Variants in RABGAP1L observed in about 807,000 individuals in gnomAD.
RABGAP1L encodes the protein rab GTPase-activating protein 1-like.
RABGAP1L carries 63 observed loss-of-function variants against 137.7 expected under a neutral mutation model. The observed-to-expected ratio is 0.46, with a 90% CI of 0.37 to 0.56. The LOEUF (loss-of-function observed/expected upper bound fraction) is 0.56. RABGAP1L is among the 20% of genes least tolerant of loss of function. The pLI is 0.00. For synonymous variants in RABGAP1L, 431 were observed against 433.7 expected, an observed-to-expected ratio of 0.99 and a Z score of 0.08; for missense variants, 1,095 against 1,244.0, an observed-to-expected ratio of 0.88 and a Z score of 1.80.
chr1:174,705,382 G>GA (rs1433825510), intron 17 of RABGAP1L: 1 of 152,130 alleles, frequency 6.6e-6, no homozygotes, highest in African/African-American at 2.4e-5. Flanking sequence ...TTGTGCTACA[G>GA]AAAAGATAAA....
chr1:174,186,816 T>G (rs1410837096), intron 1 of RABGAP1L, among the ~76,000 whole-genome samples: 2 of 151,986 alleles, frequency 1.3e-5, no homozygotes, highest in Non-Finnish European at 2.9e-5. Flanking sequence ...AGGTATACAT[T>G]TATTTACCAA....
intron 18 of RABGAP1L, among the ~76,000 whole-genome samples, chr1:174,770,190 A>G (rs1033585490): frequency 1.3e-5 from 2 of 152,142 alleles, no homozygotes; most frequent in African/African-American, 4.8e-5. Context: ...ATCATTTGTT[A>G]CTTGAATATT....
intron 13 of RABGAP1L, among the ~76,000 whole-genome samples, chr1:174,603,425 G>A (rs1408164017): frequency 6.6e-6 from 1 of 152,060 alleles, no homozygotes; most frequent in Non-Finnish European, 1.5e-5. Context: ...ACAGTACTGG[G>A]TCTTGTCCAA....
intron 18 of RABGAP1L, among the ~76,000 whole-genome samples, chr1:174,799,408 G>A (rs1688529123): frequency 6.6e-6 from 1 of 152,116 alleles, no homozygotes; most frequent in Non-Finnish European, 1.5e-5. Flanking sequence ...AATAAGGATT[G>A]GAACATCCCA....
intron 12 of RABGAP1L, among the ~76,000 whole-genome samples, chr1:174,374,128 T>A (rs1685322900): frequency 6.6e-6 from 1 of 152,242 alleles, no homozygotes; most frequent in Admixed American, 6.5e-5. Flanking sequence ...TAGTATTGGA[T>A]GTAATGGTAG....
intron 13 of RABGAP1L, among the ~76,000 whole-genome samples, chr1:174,539,126 A>G (rs1665142009): frequency 6.6e-6 from 1 of 152,108 alleles, no homozygotes; most frequent in African/African-American, 2.4e-5. Context: ...TAAATTACCT[A>G]ATACTGGCCC....
intron 19 of RABGAP1L, among the ~76,000 whole-genome samples, chr1:174,839,447 C>G (rs1224161511): frequency 6.6e-6 from 1 of 152,136 alleles, no homozygotes; most frequent in Non-Finnish European, 1.5e-5. Flanking sequence ...ATTATTTTAG[C>G]TCTGTAACCA....
At chr1:174,328,476 A>T (rs866192018) in intron 11 of RABGAP1L, among the ~76,000 whole-genome samples, 3 of 152,124 alleles carry the variant, frequency 2.0e-5, no homozygotes, top group African/African-American at 7.2e-5. Context: ...AAGGGAATTT[A>T]AAAAATTTCT....
intron 19 of RABGAP1L, among the ~76,000 whole-genome samples, chr1:174,896,522 T>G (rs1185489155): frequency 6.6e-6 from 1 of 152,238 alleles, no homozygotes; most frequent in South Asian, 2.1e-4. Context: ...CCCATGCCTA[T>G]GTCCTGAATG....
chr1:174,928,189 G>T (rs778381669), intron 19 of RABGAP1L, among the ~76,000 whole-genome samples: 2 of 151,884 alleles, frequency 1.3e-5, no homozygotes, highest in African/African-American at 2.4e-5. Flanking sequence ...TCCTCTCTTT[G>T]TCTAGCTGTC....
At chr1:174,817,776 T>G (rs1690591497) in intron 19 of RABGAP1L, among the ~76,000 whole-genome samples, 1 of 152,240 alleles carries the variant, frequency 6.6e-6, no homozygotes, top group Non-Finnish European at 1.5e-5. Flanking sequence ...GCTGTTGCAG[T>G]CATCTAGGTG....
At chr1:174,542,425 G>A (rs555029914) in intron 13 of RABGAP1L, among the ~76,000 whole-genome samples, 12 of 152,162 alleles carry the variant, frequency 7.9e-5, no homozygotes, top group East Asian at 1.9e-4. Flanking sequence ...TATTTCTGTG[G>A]GATCTGTGGT....
intron 14 of RABGAP1L, among the ~76,000 whole-genome samples, chr1:174,667,860 T>C (rs1676900316): frequency 2.0e-5 from 3 of 152,192 alleles, no homozygotes; most frequent in Admixed American, 1.3e-4. Flanking sequence ...CTGGGGAGCA[T>C]GGACTATGTC....
chr1:174,586,794 C>T (rs1025574295), intron 13 of RABGAP1L, among the ~76,000 whole-genome samples: 23 of 152,088 alleles, frequency 1.5e-4, no homozygotes, highest in Non-Finnish European at 4.4e-5. Context: ...CAGGGTTTCA[C>T]CGTGTTGGTC....
intron 13 of RABGAP1L, among the ~76,000 whole-genome samples, chr1:174,512,367 T>C (rs1402246115): frequency 6.6e-6 from 1 of 152,212 alleles, no homozygotes; most frequent in Non-Finnish European, 1.5e-5. Flanking sequence ...AGCAAACATG[T>C]TCTTGTTATA....
chr1:174,583,092 A>G (rs1334952169), intron 13 of RABGAP1L, among the ~76,000 whole-genome samples: 1 of 152,174 alleles, frequency 6.6e-6, no homozygotes, highest in Non-Finnish European at 1.5e-5. Flanking sequence ...AAGTGCTTTT[A>G]TGAAGAAACA....
intron 13 of RABGAP1L, among the ~76,000 whole-genome samples, chr1:174,536,406 G>A (rs541537823): frequency 5.3e-5 from 8 of 152,142 alleles, no homozygotes; most frequent in Admixed American, 1.3e-4. Flanking sequence ...GATTGAGAGA[G>A]GGAGAGAGAG....
At chr1:174,181,337 TTTC>T (rs1468272207) in intron 1 of RABGAP1L, among the ~76,000 whole-genome samples, 29 of 150,292 alleles carry the variant, frequency 1.9e-4, no homozygotes, top group Non-Finnish European at 3.8e-4. Context: ...TCTTTCTTTT[TTTC>T]TTTTTTTTTT....
chr1:174,343,095 C>T (rs559666897), intron 11 of RABGAP1L, among the ~76,000 whole-genome samples: 1 of 152,174 alleles, frequency 6.6e-6, no homozygotes, highest in East Asian at 1.9e-4. Flanking sequence ...TCTTTATATC[C>T]TGCTTGGCAA....
Sources: allele counts gnomAD v4.1 joint callset (sites outside exome capture counted in the v4.1 genomes callset), GRCh38; gene constraint gnomAD v4.1.1; transcripts MANE v1.5; gene names NCBI Gene and HGNC (gene_info 2026-07-23, HGNC 2026-07-21).